The following PDXDC1 variants were observed in gnomAD, a reference collection of about 807,000 sequenced individuals.
PDXDC1 encodes pyridoxal-dependent decarboxylase domain-containing protein 1.
Under a neutral mutation model 100.1 loss-of-function variants are expected in PDXDC1, and 42 were observed. That is an observed-to-expected ratio of 0.42 (90% CI 0.33 to 0.54). PDXDC1 has a LOEUF of 0.54. PDXDC1 is among the 20% of genes least tolerant of loss of function. PDXDC1 has a pLI of 0.10. For missense variants in PDXDC1, 636 were observed against 979.2 expected (o/e 0.65, Z 4.68); for synonymous variants, 260 against 371.7 (o/e 0.70, Z 3.46).
At chr16:15,132,976 T>C (rs1433034662) in intron 16 of PDXDC1, 4 of 1,540,486 alleles carry the variant, frequency 2.6e-6, no homozygotes, top group Admixed American at 3.5e-5. Flanking sequence ...TGCTAGATGC[T>C]GTGTGATGTG....
At chr16:15,096,928 A>G (rs955254539) in intron 16 of PDXDC1, among the ~76,000 whole-genome samples, 2 of 152,092 alleles carry the variant, frequency 1.3e-5, no homozygotes, top group Non-Finnish European at 2.9e-5. Context: ...TTGGCCTCCC[A>G]AAGTGTGTCT....
intron 1 of PDXDC1, among the ~76,000 whole-genome samples, chr16:14,986,292 TC>T (rs1239006089): frequency 6.6e-6 from 1 of 152,278 alleles, no homozygotes; most frequent in Non-Finnish European, 1.5e-5. Context: ...CATGGTAAGA[TC>T]CCGTCTCTAC....
In PDXDC1 at chr16:15,129,781, T is replaced by G. The variant is rs557802940; in HGVS notation, c.1400-9098T>G. ...GCCCTTCACACAGCACTGCAAAAAC[T>G]GCCTTGTTCTGACGTCTGCGATGAG... On this transcript the variant is annotated intron_variant, in intron 16 of 16. Coordinates refer to the PDXDC1 transcript ENST00000535621. 913 of 674,888 alleles carry G rather than the reference T, an allele frequency of 1.4e-3. 6 individuals carry two copies. In the African/African-American group the frequency reaches 0.014, roughly 10 times the overall value. The allele number at this position is 674,888 out of a possible 1,614,324, so 41.8% of individuals were successfully genotyped here.
chr16:15,128,597 A>G (rs2047884563), intron 16 of PDXDC1, among the ~76,000 whole-genome samples: 1 of 152,104 alleles, frequency 6.6e-6, no homozygotes, highest in South Asian at 2.1e-4. Context: ...ATTAAGTTAC[A>G]TGGAAAGAAC....
chr16:15,150,530 G>A, the PDXDC1 span, among the ~76,000 whole-genome samples: 3 of 150,764 alleles, frequency 2.0e-5, no homozygotes, highest in Admixed American at 6.6e-5. Context: ...TTAGCCGGGC[G>A]TGGTGGCGCG....
intron 16 of PDXDC1, among the ~76,000 whole-genome samples, chr16:15,049,156 A>C (rs1019430650): frequency 4.7e-5 from 7 of 150,108 alleles, no homozygotes; most frequent in Non-Finnish European, 1.0e-4. Flanking sequence ...GGCCTCCCAA[A>C]GTGCTGGGAG....
In PDXDC1 at chr16:15,127,976, T is replaced by C. The variant is rs200784183; in HGVS notation, c.1400-10903T>C. 6.2e-4 allele frequency: 949 copies of C among 1,534,414 alleles called. 2 individuals carry two copies. Among genetic ancestry groups the C allele is most frequent in the African/African-American group, 2.0e-3 (147 of 72,416 alleles). On this transcript the variant is annotated intron_variant, in intron 16 of 16. Coordinates refer to the PDXDC1 transcript ENST00000535621. ...CCCAACCTCCCACGGAGTGGGAACA[T>C]GGAACGAGGCCTTACTCGCGGCCAG...
intron 16 of PDXDC1, among the ~76,000 whole-genome samples, chr16:15,082,772 A>G (rs2045760035): frequency 6.6e-6 from 1 of 152,142 alleles, no homozygotes; most frequent in Non-Finnish European, 1.5e-5. Flanking sequence ...TCGGTTTTCT[A>G]CTAAGGCAAC....
At chr16:15,148,258 G>C in the PDXDC1 span, among the ~76,000 whole-genome samples, 1 of 151,712 alleles carries the variant, frequency 6.6e-6, no homozygotes, top group Non-Finnish European at 1.5e-5. Flanking sequence ...CGCCCGGCTG[G>C]ACAGTGGTTT....
At chr16:15,090,278 C>T (rs1203204803) in intron 16 of PDXDC1, among the ~76,000 whole-genome samples, 1 of 151,964 alleles carries the variant, frequency 6.6e-6, no homozygotes, top group African/African-American at 2.4e-5. Flanking sequence ...GTAATTACTA[C>T]AGTGATAAGA....
At chr16:15,055,351 C>A (rs1229092283) in intron 16 of PDXDC1, among the ~76,000 whole-genome samples, 1 of 152,192 alleles carries the variant, frequency 6.6e-6, no homozygotes, top group Non-Finnish European at 1.5e-5. Flanking sequence ...TCTCTCCCGG[C>A]TAAAAATAAC....
intron 16 of PDXDC1, chr16:15,086,292 T>C (rs753523950): frequency 6.3e-7 from 1 of 1,583,212 alleles, no homozygotes; most frequent in Non-Finnish European, 8.6e-7. Context: ...AAGCAGCATG[T>C]TATTAATATA....
intron 16 of PDXDC1, among the ~76,000 whole-genome samples, chr16:15,078,164 C>G (rs1216103121): frequency 5.9e-5 from 9 of 152,144 alleles, no homozygotes; most frequent in Admixed American, 5.9e-4. Flanking sequence ...ATAAAGAGTA[C>G]ATATACAGTT....
At chr16:15,002,653 G>C (rs1973411808) in intron 4 of PDXDC1, among the ~76,000 whole-genome samples, 1 of 152,284 alleles carries the variant, frequency 6.6e-6, no homozygotes, top group Non-Finnish European at 1.5e-5. Flanking sequence ...GGTGTCTGGA[G>C]GACAAAGTCC....
intron 16 of PDXDC1, among the ~76,000 whole-genome samples, chr16:15,095,848 CAA>C (rs770655135): frequency 2.4e-5 from 3 of 124,536 alleles, no homozygotes; most frequent in Non-Finnish European, 5.0e-5. Context: ...AACTGTGTCT[CAA>C]AAAAAAAAAA....
chr16:15,034,207 C>A, intron 19 of PDXDC1, 79 bp from the exon 20 acceptor site: 1 of 1,230,114 alleles, frequency 8.1e-7, no homozygotes, highest in Non-Finnish European at 1.2e-6. Context: ...GAAAAATTCC[C>A]TCAGTGCTGT....
At chr16:15,125,490 C>A in intron 16 of PDXDC1, 7 of 1,215,986 alleles carry the variant, frequency 5.8e-6, no homozygotes, top group South Asian at 2.4e-5. Flanking sequence ...GCCCGCACAC[C>A]CCCGGTACTC....
intron 9 of PDXDC1, 70 bp from the exon 10 acceptor site, chr16:15,017,050 A>G: frequency 6.5e-7 from 1 of 1,540,026 alleles, no homozygotes; most frequent in East Asian, 2.3e-5. Context: ...CACAGCCTTT[A>G]TTTTTTTAAG....
At chr16:14,983,594 A>T (rs1246677337) in intron 1 of PDXDC1, among the ~76,000 whole-genome samples, 1 of 152,236 alleles carries the variant, frequency 6.6e-6, no homozygotes, top group East Asian at 1.9e-4. Context: ...AAAAAAAAAA[A>T]AAAAAGCCTT....
Sources: gnomAD v4.1 joint callset for allele counts (sites outside exome capture counted in the v4.1 genomes callset) on GRCh38, gnomAD v4.1.1 for gene constraint, MANE v1.5 for transcripts, NCBI Gene and HGNC (gene_info 2026-07-23, HGNC 2026-07-21) for gene names.